TUBB3: variants seen among roughly 807,000 people sequenced by gnomAD.
TUBB3 encodes the protein tubulin beta 3 class III.
Under a neutral mutation model 37.8 loss-of-function variants are expected in TUBB3, and 17 were observed. The ratio of observed to expected loss-of-function variants is 0.45; its 90% confidence interval spans 0.31 to 0.67. The LOEUF (loss-of-function observed/expected upper bound fraction) is 0.67. TUBB3 is among the 30% of genes least tolerant of loss of function. The probability of loss-of-function intolerance (pLI) is 0.07; values close to 1 mark genes in which losing one functional copy is unlikely to be tolerated. For synonymous variants in TUBB3, 332 were observed against 278.9 expected (o/e 1.19, Z -1.90); for missense variants, 262 against 657.9 (o/e 0.40, Z 6.58).
At chr16:89,923,694 G>C (rs1055776021) in intron 1 of TUBB3, among the ~76,000 whole-genome samples, 8 of 152,170 alleles carry the variant, frequency 5.3e-5, no homozygotes, top group Non-Finnish European at 8.8e-5. Context: ...CGTCAGTCGC[G>C]AAGCCTCAGC....
intron 1 of TUBB3, among the ~76,000 whole-genome samples, chr16:89,931,482 G>C (rs1461098066): frequency 6.6e-6 from 1 of 152,230 alleles, no homozygotes; most frequent in Non-Finnish European, 1.5e-5. Flanking sequence ...GCTCCCAGAC[G>C]CAGCGGCCTC....
intron 1 of TUBB3, among the ~76,000 whole-genome samples, 155 bp downstream of exon 1, chr16:89,923,613 C>G (rs906300240): frequency 1.4e-4 from 22 of 152,122 alleles, no homozygotes; most frequent in African/African-American, 5.3e-4. Context: ...CGCGGGGCCC[C>G]CGCCCTGGGA....
intron 1 of TUBB3, 84 bp downstream of exon 1, chr16:89,923,542 C>A: frequency 1.6e-6 from 2 of 1,231,390 alleles, no homozygotes; most frequent in Non-Finnish European, 2.1e-6. Context: ...CCTCCAGCTG[C>A]CCCCGCCCCT....
intron 1 of TUBB3, among the ~76,000 whole-genome samples, chr16:89,928,730 C>T (rs1432916501): frequency 2.6e-5 from 4 of 151,852 alleles, no homozygotes; most frequent in East Asian, 1.9e-4. Flanking sequence ...TTCACTGTGC[C>T]AGCCAGGATG....
At chr16:89,932,419 C>T (rs930351638) in intron 1 of TUBB3, 152 bp from the exon 2 acceptor site, 2 of 672,512 alleles carry the variant, frequency 3.0e-6, no homozygotes, top group East Asian at 5.5e-5. Flanking sequence ...TGACAGGTAA[C>T]AGAGTGTGGG....
rs778435450 is a variant in TUBB3 at position 89,935,513 on chromosome 16, T to C, written c.1062T>C (p.Cys354=). Residue 354 remains cysteine (C), a synonymous_variant, in exon 4 of 4, where the codon TGT becomes TGC. Coordinates refer to ENST00000315491, the MANE Select transcript of TUBB3 (RefSeq NM_006086.4). ...WIPNNVKVAV[C]DIPPRGLKMS... ...CCAACAACGTGAAGGTGGCCGTGTG[T>C]GACATCCCGCCCCGCGGCCTCAAGA... 12 of 1,614,204 alleles carry C rather than the reference T, an allele frequency of 7.4e-6. No homozygotes were observed. The highest frequency in any genetic ancestry group is 1.0e-5 in the Non-Finnish European group (12 of 1,180,046).
At chr16:89,922,277 A>C (rs1191138313), upstream of TUBB3, 2 of 152,400 alleles carry the variant, frequency 1.3e-5, no homozygotes, top group African/African-American at 4.8e-5. Context: ...TTGTGAAGTG[A>C]ATGCTGATTT....
chr16:89,933,165 C>T (rs1017240600), intron 2 of TUBB3: 18 of 644,216 alleles, frequency 2.8e-5, no homozygotes, highest in African/African-American at 2.0e-4. Flanking sequence ...TGGACTCAAG[C>T]GATCCACCTG....
chr16:89,923,675 C>T (rs2029967258), intron 1 of TUBB3, among the ~76,000 whole-genome samples: 1 of 152,184 alleles, frequency 6.6e-6, no homozygotes, highest in Admixed American at 6.5e-5. Context: ...GCTGTCGAGG[C>T]GCAGCTCACG....
intron 1 of TUBB3, among the ~76,000 whole-genome samples, chr16:89,929,205 T>C (rs1306185427): frequency 6.6e-6 from 1 of 150,514 alleles, no homozygotes; most frequent in African/African-American, 2.4e-5. Flanking sequence ...TCAAGTGATC[T>C]GCCTGCCTCA....
At chr16:89,923,081 C>T (rs973567183), upstream of TUBB3, among the ~76,000 whole-genome samples, 1 of 152,172 alleles carries the variant, frequency 6.6e-6, no homozygotes, top group African/African-American at 2.4e-5. Context: ...AGCCCGGCGC[C>T]CCCACAGCCA....
At chr16:89,931,798 C>T (rs1219047118) in intron 1 of TUBB3, 10 of 354,726 alleles carry the variant, frequency 2.8e-5, no homozygotes, top group South Asian at 2.0e-4. Flanking sequence ...CTCCGCTCGG[C>T]AGCTGTCATG....
chr16:89,934,428 G>A (rs938817372), intron 3 of TUBB3: 6 of 572,684 alleles, frequency 1.0e-5, no homozygotes, highest in Non-Finnish European at 2.0e-5. Context: ...CGGAAGGAAG[G>A]TATGCTGGAG....
chr16:89,934,658 C>A, intron 3 of TUBB3, 71 bp from the exon 4 acceptor site: 2 of 1,485,538 alleles, frequency 1.3e-6, no homozygotes, highest in South Asian at 1.2e-5. Flanking sequence ...TTGGGATGTT[C>A]AGGCAGGGGC....
chr16:89,927,872 C>T (rs987991669), intron 1 of TUBB3, among the ~76,000 whole-genome samples: 2 of 152,226 alleles, frequency 1.3e-5, no homozygotes, highest in African/African-American at 4.8e-5. Flanking sequence ...TCTCTCCACC[C>T]CTCCTTTACA....
intron 3 of TUBB3, 98 bp from the exon 4 acceptor site, chr16:89,934,631 G>A (rs1450571570): frequency 8.3e-7 from 1 of 1,205,306 alleles, no homozygotes; most frequent in Non-Finnish European, 1.2e-6. Context: ...ACAGGCATGG[G>A]GCTGCCACGG....
rs1230522851 is a variant in TUBB3, at chr16:89,923,400, G to C, written c.-2G>C. ...CGCAGCCGCCCGCCAGACGCGCCCA[G>C]TATGAGGGAGATCGTGCACATCCAG... is the stretch of plus-strand genomic sequence containing the variant. On this transcript the variant is annotated 5_prime_UTR_variant, in exon 1 of 4. Transcript: ENST00000315491. 1 of 1,504,716 alleles carries C rather than the reference G, an allele frequency of 6.6e-7. No homozygotes were observed. Among genetic ancestry groups the C allele is most frequent in the East Asian group, 2.9e-5 (1 of 34,490 alleles). 93.2% of individuals were successfully genotyped at this position (1,504,716 alleles called of 1,614,324 possible).
At chr16:89,933,275 G>C (rs766661699) in intron 2 of TUBB3, 193 bp from the exon 3 acceptor site, 1 of 717,196 alleles carries the variant, frequency 1.4e-6, no homozygotes, top group Non-Finnish European at 2.5e-6. Context: ...GTCCTGCTCC[G>C]TCCTTAAACA....
rs2030436696 is a variant in TUBB3, at chr16:89,935,809, G to T, written c.*5G>T. On this transcript the variant is annotated 3_prime_UTR_variant, in exon 4 of 4. Coordinates refer to ENST00000315491, the MANE Select transcript of TUBB3 (RefSeq NM_006086.4). ...GAGGCCCAGGGCCCCAAGTGAAGCTGCTCGCAGCTGGAGTGAGAGGCAGGT... is the reference window on the plus strand; with the variant it reads ...GAGGCCCAGGGCCCCAAGTGAAGCTTCTCGCAGCTGGAGTGAGAGGCAGGT... 6.2e-7 allele frequency: 1 copy of T among 1,611,680 alleles called. No individual in the cohort carries two copies. The highest frequency in any genetic ancestry group is 8.5e-7 in the Non-Finnish European group (1 of 1,178,852).
Sources: gnomAD v4.1 joint callset for allele counts (sites outside exome capture counted in the v4.1 genomes callset) on GRCh38, gnomAD v4.1.1 for gene constraint, MANE v1.5 for transcripts, NCBI Gene and HGNC (gene_info 2026-07-23, HGNC 2026-07-21) for gene names.